Variants in ITGA9 observed in about 807,000 individuals in gnomAD.
The protein encoded by ITGA9 is integrin alpha-9.
A neutral mutation model predicts 127.8 loss-of-function variants in ITGA9; 56 were observed. The ratio of observed to expected loss-of-function variants is 0.44; its 90% CI spans 0.35 to 0.55. The LOEUF is 0.55. Among genes scored for constraint, ITGA9 ranks in the 20% least tolerant of loss-of-function variants. ITGA9 has a pLI of 0.00. For missense variants in ITGA9, 1,196 were observed against 1,347.1 expected, an observed-to-expected ratio of 0.89 and a Z score of 1.76; for synonymous variants, 508 against 514.5, an observed-to-expected ratio of 0.99 and a Z score of 0.17.
At chr3:37,687,335 G>C (rs1277898686) in intron 18 of ITGA9, among the ~76,000 whole-genome samples, 3 of 152,164 alleles carry the variant, frequency 2.0e-5, no homozygotes, top group Admixed American at 2.0e-4. Flanking sequence ...ATGCGGAGGT[G>C]TTTTTGAGAG....
intron 1 of ITGA9, among the ~76,000 whole-genome samples, chr3:37,454,019 C>T (rs1457326917): frequency 6.6e-6 from 1 of 152,200 alleles, no homozygotes; most frequent in Non-Finnish European, 1.5e-5. Context: ...GTCCTGCAGA[C>T]TCAGGGTCTG....
chr3:37,517,392 T>A, intron 9 of ITGA9, 112 bp from the exon 10 acceptor site: 1 of 831,474 alleles, frequency 1.2e-6, no homozygotes, highest in Non-Finnish European at 2.0e-6. Context: ...TTCCTGTCAA[T>A]GAGTGTGCTC....
chr3:37,596,216 G>C (rs1699868703), intron 15 of ITGA9, among the ~76,000 whole-genome samples: 1 of 152,206 alleles, frequency 6.6e-6, no homozygotes, highest in South Asian at 2.1e-4. Context: ...GAGGTGGTGA[G>C]TCTTTCTAAA....
intron 15 of ITGA9, among the ~76,000 whole-genome samples, chr3:37,564,948 G>A (rs974978079): frequency 4.6e-5 from 7 of 152,204 alleles, no homozygotes; most frequent in Admixed American, 3.9e-4. Context: ...AGGTTAAAGG[G>A]TTTGAACAAA....
intron 18 of ITGA9, among the ~76,000 whole-genome samples, chr3:37,686,477 A>T (rs1455058722): frequency 6.6e-6 from 1 of 152,176 alleles, no homozygotes; most frequent in East Asian, 1.9e-4. Context: ...AGCATGCTGG[A>T]CAAGGAGGCT....
chr3:37,787,859 C>T (rs546052319), intron 26 of ITGA9, among the ~76,000 whole-genome samples: 1 of 152,208 alleles, frequency 6.6e-6, no homozygotes, highest in South Asian at 2.1e-4. Flanking sequence ...CATTTGGTAT[C>T]GAGTGGGGGA....
At chr3:37,563,440 G>A (rs1263069667) in intron 15 of ITGA9, among the ~76,000 whole-genome samples, 1 of 152,206 alleles carries the variant, frequency 6.6e-6, no homozygotes, top group African/African-American at 2.4e-5. Context: ...TTTCTCAGGA[G>A]ATTTGGTTCG....
intron 3 of ITGA9, among the ~76,000 whole-genome samples, chr3:37,479,362 G>C (rs1698528135): frequency 6.6e-6 from 1 of 152,210 alleles, no homozygotes; most frequent in Non-Finnish European, 1.5e-5. Context: ...ATTGTTTTCT[G>C]TAGTTTAATG....
intron 15 of ITGA9, among the ~76,000 whole-genome samples, chr3:37,594,502 A>G (rs892049360): frequency 2.0e-5 from 3 of 150,626 alleles, no homozygotes; most frequent in African/African-American, 7.3e-5. Flanking sequence ...GGAAGTTTGT[A>G]TTTTTTTTTT....
chr3:37,737,588 G>T (rs1317330508), intron 20 of ITGA9, among the ~76,000 whole-genome samples: 2 of 152,198 alleles, frequency 1.3e-5, no homozygotes, highest in African/African-American at 4.8e-5. Context: ...GGGGGCTTCT[G>T]GGGAGTTACA....
intron 17 of ITGA9, among the ~76,000 whole-genome samples, chr3:37,655,868 G>A (rs1300121756): frequency 1.3e-5 from 2 of 152,136 alleles, no homozygotes; most frequent in African/African-American, 4.8e-5. Context: ...GTTAATTTTT[G>A]TATAAAGTGT....
rs555749740 is a variant in ITGA9 at position 37,783,464 on chromosome 3, G to T, written c.2788-1513G>T. 2.0e-5 allele frequency among the ~76,000 whole-genome samples: 3 copies of T among 152,152 alleles called. No individual in the cohort carries two copies. In the South Asian group the frequency reaches 6.2e-4, roughly 32 times the overall value. On this transcript the variant is annotated intron_variant, in intron 25 of 27. Coordinates refer to ENST00000264741, the MANE Select transcript of ITGA9 (RefSeq NM_002207.3). ...TCAAGTGATCTTCCTGCCTCAGCTAGTCCTCAGCTAGGACTGCAGGCACAT... is the reference window on the plus strand; with the variant it reads ...TCAAGTGATCTTCCTGCCTCAGCTATTCCTCAGCTAGGACTGCAGGCACAT...
intron 27 of ITGA9, among the ~76,000 whole-genome samples, chr3:37,805,102 C>A (rs1697280331): frequency 6.6e-6 from 1 of 151,862 alleles, no homozygotes; most frequent in African/African-American, 2.4e-5. Context: ...TGTTCTGTCA[C>A]CCAGGCTGGA....
intron 15 of ITGA9, among the ~76,000 whole-genome samples, chr3:37,599,347 G>A (rs1444990641): frequency 6.6e-6 from 1 of 152,230 alleles, no homozygotes; most frequent in African/African-American, 2.4e-5. Flanking sequence ...TCAGTCAGAT[G>A]TTTTAGAGTT....
chr3:37,624,442 C>T (rs1700157597), intron 15 of ITGA9, among the ~76,000 whole-genome samples: 1 of 151,902 alleles, frequency 6.6e-6, no homozygotes, highest in Admixed American at 6.5e-5. Flanking sequence ...AGCCCTTACT[C>T]TCTTTCCACT....
At chr3:37,618,687 G>A (rs991284128) in intron 15 of ITGA9, among the ~76,000 whole-genome samples, 4 of 152,226 alleles carry the variant, frequency 2.6e-5, no homozygotes. Flanking sequence ...CAGCCTTGCT[G>A]CTGCCTTGCA....
At chr3:37,759,351 A>T (rs1486123701) in intron 23 of ITGA9, among the ~76,000 whole-genome samples, 1 of 152,120 alleles carries the variant, frequency 6.6e-6, no homozygotes, top group Non-Finnish European at 1.5e-5. Context: ...TATATTTCTC[A>T]TGTGCTATAC....
chr3:37,613,778 G>A (rs1012050620), intron 15 of ITGA9, among the ~76,000 whole-genome samples: 9 of 152,216 alleles, frequency 5.9e-5, no homozygotes, highest in Non-Finnish European at 7.3e-5. Context: ...AGAAGTGTCT[G>A]TTGATATCCT....
intron 15 of ITGA9, among the ~76,000 whole-genome samples, chr3:37,558,238 A>G (rs990075010): frequency 7.9e-5 from 12 of 152,178 alleles, no homozygotes; most frequent in Non-Finnish European, 1.3e-4. Context: ...AGTTTAAACA[A>G]TGACTGTCAC....
Sources: gnomAD v4.1 joint callset for allele counts (sites outside exome capture counted in the v4.1 genomes callset) on GRCh38, gnomAD v4.1.1 for gene constraint, MANE v1.5 for transcripts, NCBI Gene and HGNC (gene_info 2026-07-23, HGNC 2026-07-21) for gene names.